Variants in ABHD18 observed in about 807,000 individuals in gnomAD.
ABHD18 encodes abhydrolase domain containing 18, also known as cardiolipin-specific deacylase, mitochondrial.
ABHD18 carries 55 observed loss-of-function variants against 65.9 expected under a neutral mutation model. That is an observed-to-expected ratio of 0.84 (90% CI 0.67 to 1.05). The LOEUF (loss-of-function observed/expected upper bound fraction) is 1.05. ABHD18 is among the 50% of genes least tolerant of loss of function. The pLI is 0.00. For synonymous variants in ABHD18, 181 were observed against 180.2 expected, an observed-to-expected ratio of 1.00 and a Z score of -0.04; for missense variants, 533 against 558.5, an observed-to-expected ratio of 0.95 and a Z score of 0.46.
At chr4:128,011,040 G>A (rs1194382607) in intron 6 of ABHD18, among the ~76,000 whole-genome samples, 6 of 151,372 alleles carry the variant, frequency 4.0e-5, no homozygotes, top group African/African-American at 9.7e-5. Flanking sequence ...TTTTATGAAC[G>A]AAATAAAAAA....
At chr4:127,997,056 AAGAC>A (rs1751861610) in intron 4 of ABHD18, among the ~76,000 whole-genome samples, 1 of 152,252 alleles carries the variant, frequency 6.6e-6, no homozygotes, top group African/African-American at 2.4e-5. Context: ...GATTAAAGTA[AAGAC>A]AGGCATAAGA....
At chr4:127,990,144 A>AT (rs1217803823) in intron 4 of ABHD18, among the ~76,000 whole-genome samples, 1 of 152,224 alleles carries the variant, frequency 6.6e-6, no homozygotes, top group East Asian at 1.9e-4. Context: ...AATACAAATG[A>AT]TTTTTTAGTT....
chr4:128,015,665 G>A (rs1214748489), intron 7 of ABHD18, among the ~76,000 whole-genome samples: 1 of 152,124 alleles, frequency 6.6e-6, no homozygotes, highest in Admixed American at 6.6e-5. Context: ...GTAGGACAGT[G>A]GAAGTAAGCT....
chr4:127,968,994 A>C (rs996772828), intron 1 of ABHD18, among the ~76,000 whole-genome samples: 8 of 151,236 alleles, frequency 5.3e-5, no homozygotes, highest in African/African-American at 2.0e-4. Flanking sequence ...ATGGGATTTA[A>C]GAAGATTTGT....
intron 1 of ABHD18, among the ~76,000 whole-genome samples, chr4:127,980,781 G>T (rs1384573467): frequency 1.5e-5 from 2 of 136,354 alleles, no homozygotes; most frequent in South Asian, 4.5e-4. Flanking sequence ...GCTTGGGATC[G>T]CACCACTGCG....
At position 128,025,524 on chromosome 4, in the gene ABHD18, C is replaced by T. The variant is rs143046754; in HGVS notation, c.802-2951C>T. The stretch of plus-strand genomic sequence containing the variant: ...TAGTCTATTATGTGAATGGATGTAC[C>T]ATAATTAATCAGTACCCTGTTGATA... On this transcript the variant is annotated intron_variant, in intron 10 of 12. Transcript: ENST00000645843. Among the ~76,000 whole-genome samples the T allele has an allele frequency of 6.6e-3, 998 of 152,184 alleles. 12 individuals are homozygous for T. The highest frequency in any genetic ancestry group is 0.023 in the African/African-American group (935 of 41,512).
Position 128,028,501 on chromosome 4 carries a change from G to A in ABHD18, c.828G>A (p.Glu276=), listed in dbSNP as rs1383385636. Residue 276 remains glutamate, a synonymous_variant, in exon 11 of 13, where the codon GAG becomes GAA. Transcript: ENST00000645843. ...CGTDSFKMGQ[E]FVKHFTSSAD... is the part of the protein sequence containing the mutation. ...CAGATTCTTTCAAAATGGGACAAGAGTTTGTGAAACACTTCACTAGCAGTG... is the reference window on the plus strand; with the variant it reads ...CAGATTCTTTCAAAATGGGACAAGAATTTGTGAAACACTTCACTAGCAGTG... 1.3e-6 allele frequency: 2 copies of A among 1,579,450 alleles called. No homozygotes were observed. Among genetic ancestry groups the A allele is most frequent in the Admixed American group, 1.9e-5 (1 of 51,576 alleles).
chr4:127,983,492 T>C (rs1448238377), intron 2 of ABHD18, among the ~76,000 whole-genome samples: 3 of 152,034 alleles, frequency 2.0e-5, no homozygotes, highest in Non-Finnish European at 4.4e-5. Context: ...CCCAGCACTT[T>C]GGGAGGCTGA....
chr4:128,008,280 T>TC (rs1408638082), intron 4 of ABHD18, among the ~76,000 whole-genome samples: 1 of 138,396 alleles, frequency 7.2e-6, no homozygotes, highest in East Asian at 2.1e-4. Flanking sequence ...TTTTTTTTTT[T>TC]TTTTTTTTTG....
intron 4 of ABHD18, among the ~76,000 whole-genome samples, chr4:127,998,953 G>A (rs1344212567): frequency 1.3e-5 from 2 of 152,020 alleles, no homozygotes; most frequent in Admixed American, 6.6e-5. Flanking sequence ...AGAATCCAAA[G>A]CAAAGCAGTT....
At chr4:128,020,223 T>A in intron 9 of ABHD18, 54 bp downstream of exon 9, 2 of 1,436,888 alleles carry the variant, frequency 1.4e-6, no homozygotes, top group Non-Finnish European at 1.9e-6. Flanking sequence ...AGGTAATTGT[T>A]TTGGGGGGGT....
At chr4:128,005,185 T>C (rs1753397202) in intron 4 of ABHD18, among the ~76,000 whole-genome samples, 1 of 152,222 alleles carries the variant, frequency 6.6e-6, no homozygotes, top group African/African-American at 2.4e-5. Flanking sequence ...GCTGTGATCA[T>C]ACCACTGCAC....
In ABHD18 at chr4:127,982,952, A is replaced by C; in HGVS notation, c.-4A>C. On this transcript the variant is annotated 5_prime_UTR_variant, in exon 2 of 13. Coordinates refer to ENST00000645843, the MANE Select transcript of ABHD18 (RefSeq NM_001358451.3). ...TTTGTTTTATAGATGCTTGTTTGCT[A>C]CTGATGGGTGTGAGCAAGTTAGATA... 6.5e-7 allele frequency: 1 copy of C among 1,541,200 alleles called. No homozygotes were observed. The highest frequency in any genetic ancestry group is 8.8e-7 in the Non-Finnish European group (1 of 1,142,276).
chr4:128,008,658 T>C (rs1293366743), intron 4 of ABHD18, among the ~76,000 whole-genome samples: 1 of 152,196 alleles, frequency 6.6e-6, no homozygotes, highest in Non-Finnish European at 1.5e-5. Flanking sequence ...TATTAAGTTA[T>C]GATATTGAAC....
In ABHD18 at chr4:127,973,010, C is replaced by G. The variant is rs552971837; in HGVS notation, c.-18+7404C>G. Among the ~76,000 whole-genome samples the G allele has an allele frequency of 1.1e-4, 16 of 152,084 alleles. No homozygotes were observed. The South Asian group carries it at 3.3e-3, about 32-fold the overall frequency. On this transcript the variant is annotated intron_variant, in intron 1 of 12. Coordinates refer to ENST00000645843, the MANE Select transcript of ABHD18 (RefSeq NM_001358451.3). ...TTTTCTCTCCCCTACCCTCCCCACT[C>G]GTTTCCTTTCTTTTCTTTTCTTAGA...
chr4:128,032,030 C>G (rs998693953), intron 12 of ABHD18, among the ~76,000 whole-genome samples: 2 of 152,148 alleles, frequency 1.3e-5, no homozygotes, highest in African/African-American at 4.8e-5. Flanking sequence ...AAATTAGTAT[C>G]AAATTTCTTT....
intron 4 of ABHD18, among the ~76,000 whole-genome samples, chr4:127,993,718 T>C (rs1751296603): frequency 6.6e-6 from 1 of 152,218 alleles, no homozygotes; most frequent in Non-Finnish European, 1.5e-5. Context: ...TTATCATTAA[T>C]GGCTCTTTGG....
At chr4:127,974,188 G>GTTTTGTTTTTTTTTTTTTTTT (rs1560817824) in intron 1 of ABHD18, among the ~76,000 whole-genome samples, 1 of 101,488 alleles carries the variant, frequency 9.9e-6, no homozygotes. Flanking sequence ...CTTAAGTTCT[G>GTTTTGTTTTTTTTTTTTTTTT]TTTTTTTTTT....
chr4:128,007,491 C>G (rs767675242), intron 4 of ABHD18, among the ~76,000 whole-genome samples: 11 of 151,988 alleles, frequency 7.2e-5, no homozygotes, highest in Non-Finnish European at 1.6e-4. Flanking sequence ...CCTGTAATCC[C>G]AGCACTTTGG....
Sources: gnomAD v4.1 joint callset for allele counts (sites outside exome capture counted in the v4.1 genomes callset) on GRCh38, gnomAD v4.1.1 for gene constraint, MANE v1.5 for transcripts, NCBI Gene and HGNC (gene_info 2026-07-23, HGNC 2026-07-21) for gene names.